CLIP2: variants seen among roughly 807,000 people sequenced by gnomAD.
CLIP2 encodes CAP-Gly domain-containing linker protein 2.
In CLIP2, 41 loss-of-function variants were observed where a neutral mutation model predicts 111.7. The ratio of observed to expected loss-of-function variants is 0.37; its 90% CI spans 0.29 to 0.48. The LOEUF is 0.48. Ranked by LOEUF, CLIP2 falls within the 20% of genes least tolerant of loss-of-function variation. CLIP2 has a pLI of 0.99. For synonymous variants in CLIP2, 660 were observed against 644.2 expected (o/e 1.02, Z -0.37); for missense variants, 1,160 against 1,422.1 (o/e 0.82, Z 2.96).
At position 74,360,556 on chromosome 7, in the gene CLIP2, T is replaced by A. The variant is rs555681071; in HGVS notation, c.1319+278T>A. On this transcript the variant is annotated intron_variant, in intron 7 of 16. Transcript: ENST00000223398. Reference sequence around the variant, plus strand: ...CGGGCACAGAGGGACACCACATTTTTAAAAATTTTTTTGAAACAGGGTCTC... The same window carrying A: ...CGGGCACAGAGGGACACCACATTTTAAAAAATTTTTTTGAAACAGGGTCTC... Among the ~76,000 whole-genome samples, 179 of 152,248 alleles carry A rather than the reference T, an allele frequency of 1.2e-3. 2 individuals carry two copies. In the Middle Eastern group the frequency reaches 0.02, roughly 17 times the overall value.
chr7:74,349,775 C>T (rs549665192), intron 3 of CLIP2, among the ~76,000 whole-genome samples: 36 of 150,882 alleles, frequency 2.4e-4, no homozygotes, highest in African/African-American at 7.0e-4. Flanking sequence ...CACCACGCCC[C>T]GCTAATTTTT....
intron 13 of CLIP2, among the ~76,000 whole-genome samples, chr7:74,393,933 C>A (rs1021244579): frequency 6.6e-6 from 1 of 152,172 alleles, no homozygotes; most frequent in Non-Finnish European, 1.5e-5. Context: ...TGCCCTCCCT[C>A]CCCTGTCTCC....
At chr7:74,328,925 AT>A (rs1789196784) in intron 2 of CLIP2, among the ~76,000 whole-genome samples, 1 of 148,338 alleles carries the variant, frequency 6.7e-6, no homozygotes, top group Non-Finnish European at 1.5e-5. Flanking sequence ...ATATATATAT[AT>A]TTTTGAGACA....
chr7:74,304,549 A>C (rs1788424222), intron 1 of CLIP2, among the ~76,000 whole-genome samples: 1 of 130,500 alleles, frequency 7.7e-6, no homozygotes, highest in African/African-American at 2.6e-5. Flanking sequence ...ACAGAGGGAG[A>C]CTCTGACAAA....
In CLIP2 at chr7:74,315,254, C is replaced by T. The variant is rs562157082; in HGVS notation, c.-67-2226C>T. ...TGCTGTCACTGCGCTCTAGCCTGGG[C>T]GAGAGAGCGAGAGTCCGTCACAAAA... On this transcript the variant is annotated intron_variant, in intron 1 of 16. Transcript: ENST00000223398. Among the ~76,000 whole-genome samples, 16 of 151,628 alleles carry T rather than the reference C, an allele frequency of 1.1e-4. 1 individual carries two copies. In the South Asian group the frequency reaches 2.7e-3, roughly 26 times the overall value.
chr7:74,364,235 C>T lies in CLIP2; in HGVS notation c.1320-20C>T. ...GCTCTGGGCAAAGCCAGGTCAGCCACCTCTTTCCCTCCCCTGCAGGAAGGT... is the reference window on the plus strand; with the variant it reads ...GCTCTGGGCAAAGCCAGGTCAGCCATCTCTTTCCCTCCCCTGCAGGAAGGT... On this transcript the variant is annotated intron_variant, in intron 7 of 16. Transcript: ENST00000223398. 6.2e-7 allele frequency: 1 copy of T among 1,610,582 alleles called. No homozygotes were observed.
Position 74,299,702 on chromosome 7 carries a change from TTC to T in CLIP2, c.-68+9970_-68+9971del, listed in dbSNP as rs1554726499. Among the ~76,000 whole-genome samples the T allele has an allele frequency of 1.8e-3, 263 of 148,976 alleles. 1 individual carries two copies. The highest frequency in any genetic ancestry group is 2.9e-3 in the Admixed American group (43 of 14,992). ...TGCTGACTCGAGGCCCTTCTTCTTC[TTC>T]TTTTTTTTTTTGAGACGGAGTTTCG... On this transcript the variant is annotated intron_variant, in intron 1 of 16. Coordinates refer to ENST00000223398, the MANE Select transcript of CLIP2 (RefSeq NM_003388.5).
chr7:74,397,963 G>T (rs62476444), intron 14 of CLIP2, among the ~76,000 whole-genome samples: 1 of 150,508 alleles, frequency 6.6e-6, no homozygotes, highest in Non-Finnish European at 1.5e-5. Flanking sequence ...CACTGCGCCC[G>T]GTCGAGATTT....
chr7:74,371,549 G>A (rs1790622410), intron 8 of CLIP2, among the ~76,000 whole-genome samples: 1 of 149,442 alleles, frequency 6.7e-6, no homozygotes, highest in Non-Finnish European at 1.5e-5. Flanking sequence ...AAAGAGAGAG[G>A]GAGGGACACA....
At chr7:74,354,938 G>A (rs948077237) in intron 4 of CLIP2, among the ~76,000 whole-genome samples, 1 of 152,170 alleles carries the variant, frequency 6.6e-6, no homozygotes, top group Non-Finnish European at 1.5e-5. Flanking sequence ...CAGCATCTCT[G>A]ATGAAAAGGA....
chr7:74,298,029 AT>A (rs1252639909), intron 1 of CLIP2, among the ~76,000 whole-genome samples: 1 of 151,882 alleles, frequency 6.6e-6, no homozygotes, highest in African/African-American at 2.4e-5. Flanking sequence ...TGAACAAGAT[AT>A]GCAAAGATCT....
At chr7:74,292,630 C>T (rs1584296832) in intron 1 of CLIP2, among the ~76,000 whole-genome samples, 3 of 152,228 alleles carry the variant, frequency 2.0e-5, no homozygotes, top group Middle Eastern at 3.4e-3. Context: ...TCAAGTGATC[C>T]GCCCACCTTG....
chr7:74,388,100 C>T (rs782607755), intron 12 of CLIP2, among the ~76,000 whole-genome samples: 3 of 151,930 alleles, frequency 2.0e-5, no homozygotes, highest in Admixed American at 2.0e-4. Flanking sequence ...GAGGCCGAAG[C>T]GGGTAGATCA....
chr7:74,389,357 A>C (rs1328709106), intron 13 of CLIP2, 98 bp downstream of exon 13: 55 of 1,315,956 alleles, frequency 4.2e-5, no homozygotes, highest in Non-Finnish European at 5.1e-5. Flanking sequence ...AGAGAGGGGG[A>C]TAGAGCTGGT....
chr7:74,396,662 A>G (rs1359019597), intron 13 of CLIP2, among the ~76,000 whole-genome samples: 1 of 152,112 alleles, frequency 6.6e-6, no homozygotes, highest in Non-Finnish European at 1.5e-5. Flanking sequence ...CTGGGATTAC[A>G]GGCACTTACC....
At chr7:74,331,076 C>T (rs1789262874) in intron 2 of CLIP2, among the ~76,000 whole-genome samples, 1 of 151,308 alleles carries the variant, frequency 6.6e-6, no homozygotes, top group African/African-American at 2.4e-5. Flanking sequence ...CATGGTGGTA[C>T]ACGCCTGTAA....
At chr7:74,366,430 CA>C (rs1162226753) in intron 8 of CLIP2, among the ~76,000 whole-genome samples, 1 of 152,202 alleles carries the variant, frequency 6.6e-6, no homozygotes, top group Non-Finnish European at 1.5e-5. Context: ...CAGTCTTCCC[CA>C]AGCTCCCTGT....
chr7:74,315,130 G>T (rs962531591), intron 1 of CLIP2, among the ~76,000 whole-genome samples: 7 of 152,140 alleles, frequency 4.6e-5, no homozygotes, highest in African/African-American at 1.7e-4. Context: ...ACAAAAATTA[G>T]CCGGGCGTGG....
chr7:74,403,414 C>A (rs1022607959), intron 16 of CLIP2, among the ~76,000 whole-genome samples: 3 of 147,718 alleles, frequency 2.0e-5, no homozygotes, highest in Non-Finnish European at 3.0e-5. Context: ...ACTAAAAATA[C>A]AAAAATTAGC....
Sources: allele counts gnomAD v4.1 joint callset (sites outside exome capture counted in the v4.1 genomes callset), GRCh38; gene constraint gnomAD v4.1.1; transcripts MANE v1.5; gene names NCBI Gene and HGNC (gene_info 2026-07-23, HGNC 2026-07-21).